ART3: variants seen among roughly 807,000 people sequenced by gnomAD.
ART3 encodes ecto-ADP-ribosyltransferase 3.
In ART3, 49 loss-of-function variants were observed where a neutral mutation model predicts 48.5. The observed-to-expected ratio is 1.01, with a 90% CI of 0.80 to 1.28. The LOEUF (loss-of-function observed/expected upper bound fraction) is 1.28, where lower values mean the gene tolerates loss of function less well. Ranked by LOEUF, ART3 falls within the 50% of genes most tolerant of loss-of-function variation. ART3 has a pLI of 0.00. For missense variants in ART3, 438 were observed against 454.3 expected, an observed-to-expected ratio of 0.96 and a Z score of 0.33; for synonymous variants, 145 against 157.2, an observed-to-expected ratio of 0.92 and a Z score of 0.58.
Position 76,082,488 on chromosome 4 carries a change from A to G in ART3, c.734A>G (p.Gln245Arg). 1 of 1,608,950 alleles carries G rather than the reference A, an allele frequency of 6.2e-7. No homozygotes were observed. Among genetic ancestry groups the G allele is most frequent in the Non-Finnish European group, 8.5e-7 (1 of 1,177,680 alleles). Residue 245 changes from glutamine to arginine, a missense_variant, in exon 3 of 12, where the codon CAA becomes CGA. Transcript: ENST00000355810. Reference protein sequence around the residue: ...QEGAGNNLILQSINKTCSHYE... With the variant: ...QEGAGNNLILRSINKTCSHYE... ...GGGGCTGGCAATAACCTTATCCTTC[A>G]AAGCATAAACAAGACCTGCAGCCAT...
At chr4:76,050,973 G>A (rs988062692) in intron 1 of ART3, among the ~76,000 whole-genome samples, 11 of 152,302 alleles carry the variant, frequency 7.2e-5, no homozygotes, top group African/African-American at 2.2e-4. Flanking sequence ...CCAAGCCCAC[G>A]CCTACCCGGA....
chr4:76,050,924 G>C (rs1048524140), intron 1 of ART3, among the ~76,000 whole-genome samples: 7 of 152,224 alleles, frequency 4.6e-5, no homozygotes, highest in Non-Finnish European at 1.0e-4. Flanking sequence ...ATTGCCTGGG[G>C]CCGGCAGGGC....
intron 1 of ART3, among the ~76,000 whole-genome samples, chr4:76,028,391 CT>C (rs1733599394): frequency 1.3e-5 from 2 of 152,180 alleles, no homozygotes; most frequent in African/African-American, 4.8e-5. Flanking sequence ...AAGTATCCCG[CT>C]TTAGTTTCCG....
At chr4:76,097,777 C>T in intron 4 of ART3, 101 bp downstream of exon 4, 1 of 925,684 alleles carries the variant, frequency 1.1e-6, no homozygotes, top group Non-Finnish European at 1.7e-6. Flanking sequence ...GTCGTTCTGT[C>T]AAACATCATT....
At chr4:76,054,695 G>C (rs1158624360) in intron 1 of ART3, among the ~76,000 whole-genome samples, 1 of 152,016 alleles carries the variant, frequency 6.6e-6, no homozygotes, top group African/African-American at 2.4e-5. Context: ...TTAGCTGGTT[G>C]TGCTGGTGTG....
intron 1 of ART3, among the ~76,000 whole-genome samples, chr4:76,041,875 A>G (rs1028369274): frequency 2.6e-5 from 4 of 152,142 alleles, no homozygotes; most frequent in African/African-American, 9.7e-5. Context: ...AAATTTCCCT[A>G]GTTGTTTTCT....
chr4:76,016,957 A>C (rs1249650525), intron 1 of ART3, among the ~76,000 whole-genome samples: 2 of 150,560 alleles, frequency 1.3e-5, no homozygotes, highest in Non-Finnish European at 3.0e-5. Context: ...CCAGCCTGGG[A>C]CTCACGTTTC....
At chr4:76,111,075 T>C (rs1227461278) in intron 11 of ART3, among the ~76,000 whole-genome samples, 1 of 152,210 alleles carries the variant, frequency 6.6e-6, no homozygotes, top group Admixed American at 6.5e-5. Context: ...TACTGTATCA[T>C]TGTAATCATT....
At chr4:76,088,399 G>A (rs1308565946) in intron 3 of ART3, among the ~76,000 whole-genome samples, 1 of 151,986 alleles carries the variant, frequency 6.6e-6, no homozygotes, top group Non-Finnish European at 1.5e-5. Flanking sequence ...AAGTAGCCTT[G>A]ATAGAAAGGA....
chr4:76,030,828 C>T (rs1733809446), intron 1 of ART3, among the ~76,000 whole-genome samples: 2 of 152,024 alleles, frequency 1.3e-5, no homozygotes, highest in South Asian at 2.1e-4. Flanking sequence ...TTTTTATGGC[C>T]GAATAATCTA....
intron 2 of ART3, among the ~76,000 whole-genome samples, chr4:76,077,797 A>G (rs1721461203): frequency 6.6e-6 from 1 of 152,180 alleles, no homozygotes; most frequent in Non-Finnish European, 1.5e-5. Context: ...CACTAGCTGC[A>G]TGGTATTACA....
intron 1 of ART3, among the ~76,000 whole-genome samples, chr4:76,056,231 C>T (rs975955572): frequency 2.9e-4 from 44 of 152,184 alleles, no homozygotes; most frequent in Admixed American, 1.4e-3. Context: ...ATTCTAGGTC[C>T]CTTTCCTTCC....
chr4:76,077,739 G>A (rs1349896478), intron 2 of ART3, among the ~76,000 whole-genome samples: 1 of 152,256 alleles, frequency 6.6e-6, no homozygotes, highest in African/African-American at 2.4e-5. Context: ...TTGCTGGGTT[G>A]TACGGTAATT....
At chr4:76,106,191 A>G (rs1490172272) in intron 10 of ART3, 1 of 985,448 alleles carries the variant, frequency 1.0e-6, no homozygotes, top group African/African-American at 1.7e-5. Flanking sequence ...AGCTTTGTTC[A>G]CTTTGTGCTA....
At chr4:76,104,215 G>A (rs7697711) in intron 9 of ART3, 293,223 of 496,566 alleles carry the variant, frequency 0.59, 90,216 homozygotes, top group East Asian at 0.98. Context: ...TTGCTGAGGG[G>A]AAGGCTCCTG....
At chr4:76,033,141 C>T (rs553040322) in intron 1 of ART3, among the ~76,000 whole-genome samples, 52 of 152,084 alleles carry the variant, frequency 3.4e-4, no homozygotes, top group African/African-American at 1.2e-3. Context: ...CTCTGGCTAT[C>T]TTAAGGAGAA....
At chr4:76,108,919 A>T (rs544064731) in intron 11 of ART3, among the ~76,000 whole-genome samples, 139 of 152,306 alleles carry the variant, frequency 9.1e-4, no homozygotes, top group African/African-American at 3.2e-3. Flanking sequence ...AAGATAAAAA[A>T]TGGTACAGGT....
chr4:76,033,115 C>T (rs896558033), intron 1 of ART3, among the ~76,000 whole-genome samples: 8 of 152,004 alleles, frequency 5.3e-5, no homozygotes, highest in Non-Finnish European at 8.8e-5. Context: ...CTTTTGGTTA[C>T]ATGCAGAGAA....
At chr4:76,057,200 TTATTA>T (rs1340610398) in intron 1 of ART3, among the ~76,000 whole-genome samples, 2 of 152,172 alleles carry the variant, frequency 1.3e-5, no homozygotes, top group Non-Finnish European at 2.9e-5. Flanking sequence ...CTTGATTATT[TTATTA>T]TATTTGCGAT....
Sources: gnomAD v4.1 joint callset for allele counts (sites outside exome capture counted in the v4.1 genomes callset) on GRCh38, gnomAD v4.1.1 for gene constraint, MANE v1.5 for transcripts, NCBI Gene and HGNC (gene_info 2026-07-23, HGNC 2026-07-21) for gene names.